Variants in SLC39A11 observed in about 807,000 individuals in gnomAD.
SLC39A11 encodes zinc transporter ZIP11.
Under a neutral mutation model 36.1 loss-of-function variants are expected in SLC39A11, and 33 were observed. The observed-to-expected ratio is 0.91, with a 90% CI of 0.69 to 1.22. The LOEUF is 1.22. SLC39A11 is among the 50% of genes most tolerant of loss of function. The probability of loss-of-function intolerance (pLI) is 0.00; values close to 1 mark genes in which losing one functional copy is unlikely to be tolerated. For synonymous variants in SLC39A11, 166 were observed against 170.3 expected (o/e 0.97, Z 0.20); for missense variants, 432 against 430.3 (o/e 1.00, Z -0.03).
rs986385434 is a variant in SLC39A11 at position 72,716,299 on chromosome 17, G to A, written c.671+20351C>T. 6.6e-5 allele frequency among the ~76,000 whole-genome samples: 10 copies of A among 152,134 alleles called. No individual in the cohort carries two copies. In the East Asian group the frequency reaches 9.7e-4, roughly 15 times the overall value. ...GGAAATTCGTCTTTTAAGAACAAGC[G>A]GGAGGCGGATGACTGAAGTCCCAAA... On this transcript the variant is annotated intron_variant, in intron 7 of 9. Transcript: ENST00000255559.
intron 4 of SLC39A11, among the ~76,000 whole-genome samples, chr17:73,014,881 A>T (rs9913017): frequency 6.6e-6 from 1 of 151,952 alleles, no homozygotes; most frequent in Admixed American, 6.5e-5. Flanking sequence ...TCCTGTTCAG[A>T]GCTCTCCCAA....
intron 6 of SLC39A11, among the ~76,000 whole-genome samples, chr17:72,777,858 T>C (rs2713970): frequency 0.016 from 2,317 of 145,110 alleles, 67 homozygotes; most frequent in African/African-American, 0.055. Flanking sequence ...TGTATGTATG[T>C]ATGTATGTAT....
intron 5 of SLC39A11, among the ~76,000 whole-genome samples, chr17:72,886,086 C>A (rs2081424756): frequency 1.3e-5 from 2 of 152,200 alleles, no homozygotes; most frequent in Non-Finnish European, 2.9e-5. Context: ...AGTATTCCTG[C>A]ATCCTCACTG....
chr17:72,975,790 G>A (rs971080554), intron 4 of SLC39A11, among the ~76,000 whole-genome samples: 1 of 152,198 alleles, frequency 6.6e-6, no homozygotes, highest in African/African-American at 2.4e-5. Context: ...TATTTCTTAG[G>A]TAAAAGTCCT....
At chr17:72,880,080 C>T (rs925251720) in intron 5 of SLC39A11, among the ~76,000 whole-genome samples, 10 of 152,234 alleles carry the variant, frequency 6.6e-5, no homozygotes, top group African/African-American at 2.4e-4. Context: ...TTCTCTGCTG[C>T]AACTCCTGCT....
At chr17:72,748,589 G>A (rs962404373) in intron 6 of SLC39A11, among the ~76,000 whole-genome samples, 4 of 152,154 alleles carry the variant, frequency 2.6e-5, no homozygotes, top group Non-Finnish European at 2.9e-5. Flanking sequence ...CACAGGCAGC[G>A]CCTCGTTTGT....
chr17:72,779,592 T>TAA (rs2076242879), intron 6 of SLC39A11, among the ~76,000 whole-genome samples: 1 of 152,100 alleles, frequency 6.6e-6, no homozygotes, highest in Non-Finnish European at 1.5e-5. Flanking sequence ...AACCCATCGC[T>TAA]CTCTTTGTTA....
At chr17:72,958,285 C>A (rs963617833) in intron 4 of SLC39A11, among the ~76,000 whole-genome samples, 1 of 152,188 alleles carries the variant, frequency 6.6e-6, no homozygotes, top group Admixed American at 6.5e-5. Flanking sequence ...AAAAACCCTT[C>A]TAGACATTGG....
chr17:72,727,103 C>T (rs969496709), intron 7 of SLC39A11, among the ~76,000 whole-genome samples: 1 of 152,160 alleles, frequency 6.6e-6, no homozygotes, highest in African/African-American at 2.4e-5. Flanking sequence ...TTAGTCAAAG[C>T]TTAAAACAGG....
chr17:72,732,035 C>CTTT (rs1838992557), intron 7 of SLC39A11, among the ~76,000 whole-genome samples: 1 of 43,304 alleles, frequency 2.3e-5, no homozygotes, highest in African/African-American at 7.6e-5. Flanking sequence ...TTTTTCTTTT[C>CTTT]TTTTCTTTTT....
chr17:72,825,045 G>A (rs932804154), intron 6 of SLC39A11, among the ~76,000 whole-genome samples: 6 of 151,392 alleles, frequency 4.0e-5, no homozygotes, highest in African/African-American at 1.4e-4. Context: ...AAGAGGGGCC[G>A]AATGTTAATA....
At chr17:73,059,794 C>T (rs1202292603) in intron 3 of SLC39A11, among the ~76,000 whole-genome samples, 1 of 151,820 alleles carries the variant, frequency 6.6e-6, no homozygotes, top group African/African-American at 2.4e-5. Context: ...TTCACCCTAA[C>T]GTAGAATGAC....
chr17:72,894,167 G>C (rs1240438810), intron 5 of SLC39A11, among the ~76,000 whole-genome samples: 4 of 151,566 alleles, frequency 2.6e-5, no homozygotes, highest in Non-Finnish European at 5.9e-5. Context: ...TTCAAGACCA[G>C]CCTGACCAAC....
chr17:72,989,833 A>G (rs1352416646), intron 4 of SLC39A11, among the ~76,000 whole-genome samples: 1 of 152,242 alleles, frequency 6.6e-6, no homozygotes, highest in Non-Finnish European at 1.5e-5. Flanking sequence ...GGCTTCACAT[A>G]CAGAAATTAC....
rs117580889 is a variant in SLC39A11, at chr17:73,066,890, A to G, written c.147+17918T>C. 7.2e-3 allele frequency among the ~76,000 whole-genome samples: 1,097 copies of G among 152,342 alleles called. 9 individuals carry two copies. The highest frequency in any genetic ancestry group is 0.012 in the Non-Finnish European group (830 of 68,036). On this transcript the variant is annotated intron_variant, in intron 3 of 9. Transcript: ENST00000255559. ...TATGCCAGATTGAGTTAGGTTTTCTATCATTCATGATCCCAAAAGTCCTAG... is the reference window on the plus strand; with the variant it reads ...TATGCCAGATTGAGTTAGGTTTTCTGTCATTCATGATCCCAAAAGTCCTAG...
intron 5 of SLC39A11, among the ~76,000 whole-genome samples, chr17:72,937,274 C>G (rs1292640239): frequency 2.6e-5 from 4 of 152,038 alleles, no homozygotes; most frequent in Admixed American, 6.6e-5. Context: ...AACCACCCCC[C>G]TCCCTGGTAT....
intron 5 of SLC39A11, among the ~76,000 whole-genome samples, chr17:72,941,372 A>C (rs2085088376): frequency 6.6e-6 from 1 of 152,190 alleles, no homozygotes; most frequent in Non-Finnish European, 1.5e-5. Context: ...GCCAACTATT[A>C]GTCTTGGACT....
intron 1 of SLC39A11, among the ~76,000 whole-genome samples, chr17:73,090,189 A>G (rs2060879363): frequency 6.6e-6 from 1 of 152,168 alleles, no homozygotes; most frequent in South Asian, 2.1e-4. Flanking sequence ...ACCATGGCAG[A>G]GTGTGGACGC....
intron 4 of SLC39A11, among the ~76,000 whole-genome samples, chr17:72,968,919 T>C (rs570653330): frequency 2.0e-5 from 3 of 152,134 alleles, no homozygotes; most frequent in Admixed American, 2.0e-4. Context: ...GCCTACACCG[T>C]CCCCTGCTTG....
Sources: gnomAD v4.1 joint callset for allele counts (sites outside exome capture counted in the v4.1 genomes callset) on GRCh38, gnomAD v4.1.1 for gene constraint, MANE v1.5 for transcripts, NCBI Gene and HGNC (gene_info 2026-07-23, HGNC 2026-07-21) for gene names.